The following NUP214 variants were observed in gnomAD, a reference collection of about 807,000 sequenced individuals.
The protein encoded by NUP214 is nucleoporin 214, also known as nuclear pore complex protein Nup214.
Under a neutral mutation model 196.2 loss-of-function variants are expected in NUP214, and 79 were observed. The ratio of observed to expected loss-of-function variants is 0.40; its 90% CI spans 0.34 to 0.49. NUP214 has a LOEUF of 0.49. Among genes scored for constraint, NUP214 ranks in the 20% least tolerant of loss-of-function variants. The pLI is 0.58. For missense variants in NUP214, 2,468 were observed against 2,539.0 expected (o/e 0.97, Z 0.60); for synonymous variants, 1,020 against 990.5 (o/e 1.03, Z -0.56).
intron 30 of NUP214, among the ~76,000 whole-genome samples, chr9:131,213,220 G>T (rs113526407): frequency 0.05 from 7,436 of 148,872 alleles, 249 homozygotes; most frequent in Non-Finnish European, 0.069. Context: ...TTGTTGCCCA[G>T]ACTGAAGTTC....
chr9:131,151,751 A>G lies in NUP214; in HGVS notation c.2293A>G (p.Ile765Val), dbSNP rs61756081. The G allele has an allele frequency of 8.3e-3, 13,397 of 1,611,380 alleles. 107 individuals carry two copies. The highest frequency in any genetic ancestry group is 0.03 in the South Asian group (2,757 of 90,502). The change falls in exon 17 of 36, where the codon ATA becomes GTA. Residue 765 changes from isoleucine to valine, a missense_variant. Ile to Val is a conservative substitution (Grantham distance 29). Around this residue, in one of 5 missense-constraint regions of NUP214, gnomAD observed 1,801 missense variants for 1,779.4 expected, o/e 1.01. Transcript: ENST00000359428. ...KETTESLHGDISSLKTTLLEG... is the reference protein window; with the variant it reads ...KETTESLHGDVSSLKTTLLEG... ...CTTTTTCTAGTCGCTTCATGGAGAT[A>G]TAAGTAGCCTGAAAACAACTTTACT...
At position 131,182,765 on chromosome 9, in the gene NUP214, T is replaced by A. The variant is rs150769170; in HGVS notation, c.3419+4355T>A. 1.1e-3 allele frequency among the ~76,000 whole-genome samples: 172 copies of A among 152,348 alleles called. 1 individual carries two copies. The East Asian group carries it at 0.03, about 27-fold the overall frequency. On this transcript the variant is annotated intron_variant, in intron 24 of 35. Transcript: ENST00000359428. ...AATCTGTTATATAGCTATTTGTTTC[T>A]ATTTATCCCATCTGTTTGTTGTTCA... is the stretch of plus-strand genomic sequence containing the variant.
chr9:131,189,262 T>G, intron 26 of NUP214, 131 bp downstream of exon 26: 1 of 728,836 alleles, frequency 1.4e-6, no homozygotes, highest in East Asian at 2.5e-5. Context: ...GCATTCAGGG[T>G]AGTATGACCA....
chr9:131,209,484 A>G (rs541343725), intron 30 of NUP214, among the ~76,000 whole-genome samples: 24 of 152,274 alleles, frequency 1.6e-4, no homozygotes, highest in Middle Eastern at 3.4e-3. Flanking sequence ...TCCGACTCCC[A>G]GGTTCAATCA....
chr9:131,156,473 T>C (rs577037045), intron 17 of NUP214, among the ~76,000 whole-genome samples: 5 of 152,170 alleles, frequency 3.3e-5, no homozygotes, highest in African/African-American at 4.8e-5. Flanking sequence ...CGTTTCCATT[T>C]GTGTCGTCTA....
At chr9:131,146,000 G>C in intron 12 of NUP214, 129 bp from the exon 13 acceptor site, 1 of 885,834 alleles carries the variant, frequency 1.1e-6, no homozygotes, top group Non-Finnish European at 1.7e-6. Flanking sequence ...TTTCCTGAAG[G>C]CAAAAAGTAT....
chr9:131,216,416 A>AC (rs1371374211), intron 31 of NUP214, among the ~76,000 whole-genome samples: 1 of 144,842 alleles, frequency 6.9e-6, no homozygotes, highest in Non-Finnish European at 1.5e-5. Flanking sequence ...TTTAGTAGAG[A>AC]CGGGGTTTCA....
At position 131,210,626 on chromosome 9, in the gene NUP214, C is replaced by CA. The variant is rs200387654; in HGVS notation, c.5593-4575dup. Among the ~76,000 whole-genome samples the CA allele has an allele frequency of 6.8e-3, 849 of 124,238 alleles. 18 individuals are homozygous for CA. In the East Asian group the frequency reaches 0.079, roughly 12 times the overall value. 81.5% of individuals were successfully genotyped at this position (124,238 alleles called of 152,430 possible). A position where few individuals can be genotyped will look rare whatever the true frequency, so the allele number is the denominator to read the frequency against. On this transcript the variant is annotated intron_variant, in intron 30 of 35. Coordinates refer to ENST00000359428, the MANE Select transcript of NUP214 (RefSeq NM_005085.4). ...TGGGAAACAGAGCGAGACTCCATCT[C>CA]AAAAAAAAAAACAAAAACGCAAGTC...
intron 21 of NUP214, among the ~76,000 whole-genome samples, chr9:131,171,731 G>A (rs1421113638): frequency 6.6e-6 from 1 of 151,956 alleles, no homozygotes; most frequent in Non-Finnish European, 1.5e-5. Context: ...AGTCCCCAGA[G>A]TGTGATATTC....
chr9:131,210,745 G>A (rs1209603243), intron 30 of NUP214, among the ~76,000 whole-genome samples: 2 of 152,050 alleles, frequency 1.3e-5, no homozygotes, highest in Non-Finnish European at 2.9e-5. Flanking sequence ...CAGTGAACTC[G>A]AAGACGTATC....
At chr9:131,193,629 C>CCTTTTTTTTTTTTT (rs1833677830) in intron 27 of NUP214, among the ~76,000 whole-genome samples, 1 of 28,218 alleles carries the variant, frequency 3.5e-5, no homozygotes, top group Admixed American at 8.0e-4. Context: ...TCTTCCTTTT[C>CCTTTTTTTTTTTTT]TTTTTTTTTT....
chr9:131,183,328 G>A lies in NUP214; in HGVS notation c.3420-3961G>A, dbSNP rs554656246. Among the ~76,000 whole-genome samples the A allele has an allele frequency of 2.6e-5, 4 of 152,254 alleles. No homozygotes were observed. The South Asian group carries it at 6.2e-4, about 24-fold the overall frequency. On this transcript the variant is annotated intron_variant, in intron 24 of 35. Transcript: ENST00000359428. ...TCGAACTCCTGACCTCAGGTGATCCGCCTGCCTCGGCCTCCCAAAGTGCTG... is the reference window on the plus strand; with the variant it reads ...TCGAACTCCTGACCTCAGGTGATCCACCTGCCTCGGCCTCCCAAAGTGCTG...
intron 33 of NUP214, chr9:131,229,580 G>C (rs527603864): frequency 4.9e-5 from 20 of 406,448 alleles, no homozygotes; most frequent in South Asian, 3.7e-4. Flanking sequence ...CACAAATCCC[G>C]ATTGGCTGGT....
intron 33 of NUP214, chr9:131,229,673 A>T (rs907089873): frequency 1.9e-6 from 1 of 514,202 alleles, no homozygotes; most frequent in East Asian, 5.5e-5. Context: ...GTCCCTGGCC[A>T]TGAGCCTGTC....
At chr9:131,161,468 A>G (rs1039871462) in intron 18 of NUP214, among the ~76,000 whole-genome samples, 2 of 152,088 alleles carry the variant, frequency 1.3e-5, no homozygotes, top group African/African-American at 4.8e-5. Flanking sequence ...CATGTTGGTT[A>G]GGCTGGTCTC....
At chr9:131,158,136 T>G (rs1832516214) in intron 17 of NUP214, among the ~76,000 whole-genome samples, 1 of 152,218 alleles carries the variant, frequency 6.6e-6, no homozygotes, top group African/African-American at 2.4e-5. Flanking sequence ...CGGAGTGCAG[T>G]GGCGTGATCT....
At chr9:131,192,169 C>CCT in intron 26 of NUP214, 39 bp from the exon 27 acceptor site, 1 of 447,000 alleles carries the variant, frequency 2.2e-6, no homozygotes, top group South Asian at 3.1e-5. Flanking sequence ...TTGTAATATT[C>CCT]TTTTTTTTTT....
intron 9 of NUP214, 24 bp from the exon 10 acceptor site, chr9:131,139,252 CTTCTT>C: frequency 1.6e-5 from 20 of 1,235,876 alleles, no homozygotes; most frequent in African/African-American, 6.9e-5. Context: ...TCTTCTTCTT[CTTCTT>C]TTTTTTTTTT....
chr9:131,222,146 C>A (rs114381891), intron 31 of NUP214, among the ~76,000 whole-genome samples: 6,167 of 152,284 alleles, frequency 0.04, 162 homozygotes, highest in African/African-American at 0.078. Flanking sequence ...GTCTTGCTAG[C>A]CTCTTTAACA....
Sources: allele counts gnomAD v4.1 joint callset (sites outside exome capture counted in the v4.1 genomes callset), GRCh38; gene constraint gnomAD v4.1.1; regional missense constraint gnomAD v4.1.1; transcripts MANE v1.5; gene names NCBI Gene and HGNC (gene_info 2026-07-23, HGNC 2026-07-21).